Variants in PRDM5 observed in about 807,000 individuals in gnomAD.
The protein encoded by PRDM5 is PR domain zinc finger protein 5.
Under a neutral mutation model 81.2 loss-of-function variants are expected in PRDM5, and 56 were observed. The observed-to-expected ratio is 0.69, with a 90% CI of 0.56 to 0.86. PRDM5 has a LOEUF of 0.86. PRDM5 is among the 40% of genes least tolerant of loss of function. PRDM5 has a pLI of 0.00. For missense variants in PRDM5, 697 were observed against 770.1 expected (o/e 0.91, Z 1.12); for synonymous variants, 267 against 256.4 (o/e 1.04, Z -0.39).
At chr4:120,865,454 T>C (rs76222421) in intron 2 of PRDM5, among the ~76,000 whole-genome samples, 14,933 of 152,238 alleles carry the variant, frequency 0.098, 962 homozygotes, top group Non-Finnish European at 0.15. Context: ...TTGTGATTTG[T>C]TCTCCTGTAG....
At chr4:120,699,249 A>T (rs1735010761) in intron 15 of PRDM5, among the ~76,000 whole-genome samples, 1 of 140,212 alleles carries the variant, frequency 7.1e-6, no homozygotes, top group Non-Finnish European at 1.5e-5. Flanking sequence ...CTTACTTCTC[A>T]TCACATATGA....
At chr4:120,704,097 T>A (rs557223142) in intron 15 of PRDM5, among the ~76,000 whole-genome samples, 2 of 152,252 alleles carry the variant, frequency 1.3e-5, no homozygotes, top group Non-Finnish European at 2.9e-5. Context: ...GCTGAAATCA[T>A]TGATAATGGG....
rs148041639 is a variant in PRDM5, at chr4:120,704,574, C to T, written c.1728+5735G>A. ...TCTAGATAAGTATCTTCAGTTAACA[C>T]ATACTTATCACATACAATGTGCCTA... On this transcript the variant is annotated intron_variant, in intron 15 of 15. Coordinates refer to ENST00000264808, the MANE Select transcript of PRDM5 (RefSeq NM_018699.4). Among the ~76,000 whole-genome samples the T allele has an allele frequency of 2.9e-3, 442 of 152,340 alleles. 3 individuals carry two copies. Among genetic ancestry groups the T allele is most frequent in the African/African-American group, 0.01 (419 of 41,570 alleles).
chr4:120,894,941 C>T (rs1451231887), intron 2 of PRDM5, among the ~76,000 whole-genome samples: 1 of 152,234 alleles, frequency 6.6e-6, no homozygotes, highest in African/African-American at 2.4e-5. Context: ...CCGCTCCATT[C>T]TTTCTCTCCT....
intron 13 of PRDM5, among the ~76,000 whole-genome samples, chr4:120,755,505 T>C (rs1254380480): frequency 6.6e-6 from 1 of 152,162 alleles, no homozygotes; most frequent in Admixed American, 6.5e-5. Context: ...GTAAAACTTT[T>C]GTCTTCCCTT....
intron 14 of PRDM5, among the ~76,000 whole-genome samples, chr4:120,722,062 C>A (rs1242471550): frequency 6.6e-6 from 1 of 152,146 alleles, no homozygotes; most frequent in East Asian, 1.9e-4. Flanking sequence ...CCCCTGAAGG[C>A]AAGGGAGAGC....
intron 2 of PRDM5, among the ~76,000 whole-genome samples, chr4:120,870,461 G>A (rs1761657354): frequency 6.6e-6 from 1 of 152,036 alleles, no homozygotes; most frequent in Admixed American, 6.6e-5. Context: ...AGTGGGAGGT[G>A]GGGGAACAGC....
chr4:120,836,406 C>T (rs2149381798), intron 3 of PRDM5, among the ~76,000 whole-genome samples: 1 of 152,106 alleles, frequency 6.6e-6, no homozygotes, highest in East Asian at 1.9e-4. Context: ...TACATCTCTT[C>T]TTGGTCTTTT....
chr4:120,748,773 TC>T (rs1452319412), intron 14 of PRDM5, among the ~76,000 whole-genome samples: 1 of 151,892 alleles, frequency 6.6e-6, no homozygotes, highest in East Asian at 1.9e-4. Flanking sequence ...GAGAAATGGC[TC>T]CAAATGCCAG....
In PRDM5 at chr4:120,821,224, A is replaced by T; in HGVS notation, c.422T>A (p.Ile141Asn). The T allele has an allele frequency of 6.2e-7, 1 of 1,613,990 alleles. No homozygotes were observed. The highest frequency in any genetic ancestry group is 8.5e-7 in the Non-Finnish European group (1 of 1,179,992). ...AGAATTTTCAACTTCCCCTTCTTTG[A>T]TGACTGTCATAATTTGCTGTTCTTC... ...EEEEQQIMTV[I>N]KEGEVENSRR... Residue 141 changes from isoleucine to asparagine, a missense_variant, in exon 4 of 16, where the codon ATC becomes AAC. Ile to Asn is a moderately radical substitution (Grantham distance 149). Around this residue, in one of 3 missense-constraint regions of PRDM5, gnomAD observed 577 missense variants for 606.7 expected, o/e 0.95. Transcript: ENST00000264808.
intron 3 of PRDM5, among the ~76,000 whole-genome samples, chr4:120,835,099 C>T (rs550595829): frequency 6.6e-6 from 1 of 152,256 alleles, no homozygotes; most frequent in South Asian, 2.1e-4. Context: ...CACTTATGAG[C>T]TCTTAGGACT....
chr4:120,854,438 G>T (rs143022253), intron 2 of PRDM5, among the ~76,000 whole-genome samples: 6 of 151,976 alleles, frequency 3.9e-5, no homozygotes, highest in Non-Finnish European at 7.4e-5. Context: ...CAAGTAACAC[G>T]AACATACAGG....
chr4:120,687,172 A>G (rs981064800), downstream of PRDM5, among the ~76,000 whole-genome samples: 8 of 152,038 alleles, frequency 5.3e-5, no homozygotes, highest in Admixed American at 3.9e-4. Flanking sequence ...TCATCTTAAC[A>G]ATTTTTAAGT....
At chr4:120,774,275 A>T (rs2149217507) in intron 13 of PRDM5, among the ~76,000 whole-genome samples, 1 of 152,342 alleles carries the variant, frequency 6.6e-6, no homozygotes, top group East Asian at 1.9e-4. Flanking sequence ...TAAATAATGT[A>T]CAACTAAATA....
At chr4:120,827,573 T>G (rs1756166088) in intron 3 of PRDM5, among the ~76,000 whole-genome samples, 1 of 152,140 alleles carries the variant, frequency 6.6e-6, no homozygotes, top group Non-Finnish European at 1.5e-5. Flanking sequence ...TTTGAATGGT[T>G]AACTTTATGT....
intron 14 of PRDM5, among the ~76,000 whole-genome samples, chr4:120,729,307 CT>C (rs1739915497): frequency 6.6e-6 from 1 of 152,070 alleles, no homozygotes. Flanking sequence ...AATGAATGAC[CT>C]TTACCCTTAA....
chr4:120,757,969 T>C (rs916761898), intron 13 of PRDM5, among the ~76,000 whole-genome samples: 1 of 151,708 alleles, frequency 6.6e-6, no homozygotes, highest in Admixed American at 6.6e-5. Flanking sequence ...TCTTCTGCCC[T>C]TGGATATGGA....
chr4:120,697,818 C>T (rs1388945722), intron 15 of PRDM5, among the ~76,000 whole-genome samples: 1 of 151,056 alleles, frequency 6.6e-6, no homozygotes, highest in Non-Finnish European at 1.5e-5. Context: ...CACATCCAGC[C>T]GAGATTGTAA....
intron 13 of PRDM5, among the ~76,000 whole-genome samples, chr4:120,776,918 G>A (rs937240930): frequency 2.6e-5 from 4 of 152,108 alleles, no homozygotes; most frequent in African/African-American, 9.7e-5. Context: ...CCATCCATTA[G>A]AATCATATAG....
Sources: gnomAD v4.1 joint callset for allele counts (sites outside exome capture counted in the v4.1 genomes callset) on GRCh38, gnomAD v4.1.1 for gene constraint, gnomAD v4.1.1 regional missense constraint, MANE v1.5 for transcripts, NCBI Gene and HGNC (gene_info 2026-07-23, HGNC 2026-07-21) for gene names.